The following PRKACB variants were observed in gnomAD, a reference collection of about 807,000 sequenced individuals.
The protein encoded by PRKACB is cAMP-dependent protein kinase catalytic subunit beta.
A neutral mutation model predicts 51.4 loss-of-function variants in PRKACB; 16 were observed. The observed-to-expected ratio is 0.31, with a 90% CI of 0.21 to 0.47. The LOEUF is 0.47. Ranked by LOEUF, PRKACB falls within the 20% of genes least tolerant of loss-of-function variation. The pLI is 1.00. For synonymous variants in PRKACB, 147 were observed against 154.4 expected (o/e 0.95, Z 0.35); for missense variants, 309 against 464.5 (o/e 0.67, Z 3.08).
intron 1 of PRKACB, among the ~76,000 whole-genome samples, chr1:84,167,532 TACA>T (rs1193835647): frequency 1.3e-5 from 2 of 151,594 alleles, no homozygotes; most frequent in African/African-American, 2.4e-5. Flanking sequence ...ACTTACAAAC[TACA>T]ACAATTATTG....
intron 9 of PRKACB, among the ~76,000 whole-genome samples, chr1:84,232,428 C>G (rs914418849): frequency 6.6e-6 from 1 of 152,136 alleles, no homozygotes; most frequent in African/African-American, 2.4e-5. Flanking sequence ...CTGTAGATGT[C>G]TATTAGGTCC....
chr1:84,175,752 G>A, intron 1 of PRKACB: 2 of 1,515,010 alleles, frequency 1.3e-6, no homozygotes, highest in South Asian at 1.3e-5. Context: ...TTCATCTCTT[G>A]AATGTGGGTG....
intron 7 of PRKACB, among the ~76,000 whole-genome samples, chr1:84,202,471 T>C (rs1394768620): frequency 6.6e-6 from 1 of 152,064 alleles, no homozygotes. Context: ...TTTCCTAATA[T>C]CCAATTTCAG....
chr1:84,208,804 G>A (rs899610602), intron 8 of PRKACB, among the ~76,000 whole-genome samples: 1 of 152,174 alleles, frequency 6.6e-6, no homozygotes, highest in Non-Finnish European at 1.5e-5. Context: ...ATACCTGCCA[G>A]ATGAGATATA....
upstream of PRKACB, among the ~76,000 whole-genome samples, chr1:84,142,461 T>C (rs1194334963): frequency 1.3e-5 from 2 of 152,174 alleles, no homozygotes; most frequent in African/African-American, 4.8e-5. Flanking sequence ...ATTTAATAAG[T>C]GTCTGTTTTG....
intron 8 of PRKACB, among the ~76,000 whole-genome samples, chr1:84,206,184 C>T (rs1237845420): frequency 6.6e-6 from 1 of 152,128 alleles, no homozygotes; most frequent in Non-Finnish European, 1.5e-5. Context: ...TTCAACATAT[C>T]TAATGTAAAT....
chr1:84,202,872 A>G, intron 8 of PRKACB, 67 bp downstream of exon 8: 5 of 1,341,394 alleles, frequency 3.7e-6, no homozygotes, highest in Non-Finnish European at 5.1e-6. Context: ...ATGAATTGAA[A>G]CTATATTGTG....
intron 1 of PRKACB, among the ~76,000 whole-genome samples, chr1:84,152,249 A>T (rs926574034): frequency 1.2e-4 from 19 of 152,214 alleles, no homozygotes; most frequent in Admixed American, 1.1e-3. Flanking sequence ...ATATGGTGTC[A>T]TCTAGCCTTT....
At chr1:84,195,980 A>T (rs1024172309) in intron 5 of PRKACB, among the ~76,000 whole-genome samples, 1 of 152,072 alleles carries the variant, frequency 6.6e-6, no homozygotes, top group East Asian at 1.9e-4. Context: ...CTGTGAATCT[A>T]TGTAAACAAG....
intron 1 of PRKACB, among the ~76,000 whole-genome samples, chr1:84,084,608 G>A (rs1310287793): frequency 6.6e-6 from 1 of 152,162 alleles, no homozygotes; most frequent in Non-Finnish European, 1.5e-5. Context: ...TAGAGGTTGG[G>A]ATGGAGAAAA....
exon 1 of PRKACB, chr1:84,078,245 A>T: frequency 6.7e-7 from 1 of 1,483,730 alleles, no homozygotes. Flanking sequence ...CAGACGCGGG[A>T]GTTGTCCCAG....
At chr1:84,181,754 C>G in intron 2 of PRKACB, 1 of 1,445,290 alleles carries the variant, frequency 6.9e-7, no homozygotes, top group African/African-American at 1.4e-5. Flanking sequence ...GAGCTCTGAT[C>G]CCTCAGTTTA....
exon 1 of PRKACB, chr1:84,078,176 G>T: frequency 2.4e-6 from 2 of 818,338 alleles, no homozygotes; most frequent in Non-Finnish European, 3.7e-6. Flanking sequence ...GACCCGGCCC[G>T]GTCTTCGCGC....
intron 1 of PRKACB, among the ~76,000 whole-genome samples, chr1:84,128,503 A>G (rs1405453194): frequency 6.6e-6 from 1 of 152,216 alleles, no homozygotes; most frequent in East Asian, 1.9e-4. Flanking sequence ...GGTTGTTTGC[A>G]TGCTTCCAGT....
At chr1:84,171,440 AAAT>A (rs1659435975) in intron 1 of PRKACB, among the ~76,000 whole-genome samples, 1 of 151,622 alleles carries the variant, frequency 6.6e-6, no homozygotes, top group African/African-American at 2.4e-5. Flanking sequence ...GAACTTAACA[AAAT>A]TAGGACTGGA....
chr1:84,085,867 G>C, intron 1 of PRKACB: 2 of 574,184 alleles, frequency 3.5e-6, no homozygotes, highest in Non-Finnish European at 6.4e-6. Context: ...TGGTGGCCTG[G>C]CTGTAACACC....
intron 1 of PRKACB, among the ~76,000 whole-genome samples, chr1:84,097,495 G>A (rs1649014777): frequency 6.6e-6 from 1 of 151,960 alleles, no homozygotes; most frequent in Non-Finnish European, 1.5e-5. Flanking sequence ...CAGAGAAACA[G>A]AACCAATAGG....
upstream of PRKACB, among the ~76,000 whole-genome samples, chr1:84,143,631 C>G (rs936053158): frequency 6.6e-6 from 1 of 151,984 alleles, no homozygotes; most frequent in Non-Finnish European, 1.5e-5. Flanking sequence ...GTATTTTGTT[C>G]TTTTCAAATT....
chr1:84,189,775 G>A (rs1666211636), intron 5 of PRKACB, among the ~76,000 whole-genome samples: 1 of 151,940 alleles, frequency 6.6e-6, no homozygotes, highest in African/African-American at 2.4e-5. Flanking sequence ...CAAAGAAACA[G>A]ATTTTATAAT....
Sources: allele counts gnomAD v4.1 joint callset (sites outside exome capture counted in the v4.1 genomes callset), GRCh38; gene constraint gnomAD v4.1.1; transcripts MANE v1.5; gene names NCBI Gene and HGNC (gene_info 2026-07-23, HGNC 2026-07-21).